Variants in INHBB observed in about 807,000 individuals in gnomAD.
The protein encoded by INHBB is inhibin beta B chain.
A neutral mutation model predicts 28.9 loss-of-function variants in INHBB; 8 were observed. The observed-to-expected ratio is 0.28, with a 90% CI of 0.16 to 0.50. The LOEUF (loss-of-function observed/expected upper bound fraction) is 0.50. Ranked by LOEUF, INHBB falls within the 20% of genes least tolerant of loss-of-function variation. INHBB has a pLI of 0.98. For synonymous variants in INHBB, 293 were observed against 262.7 expected (o/e 1.12, Z -1.12); for missense variants, 499 against 597.8 (o/e 0.83, Z 1.72).
In INHBB at chr2:120,346,207, C is replaced by A; in HGVS notation, c.19C>A (p.Arg7=). The A allele has an allele frequency of 3.3e-6, 4 of 1,202,320 alleles. No individual in the cohort carries two copies. In the South Asian group the frequency reaches 1.7e-4, roughly 50 times the overall value. The allele number at this position is 1,202,320 out of a possible 1,614,324, so 74.5% of individuals were successfully genotyped here. The part of the protein sequence containing the change: MDGLPG[R]ALGAACLLLL... Reference sequence around the variant, plus strand: ...GCGCACCATGGACGGGCTGCCCGGTCGGGCGCTGGGGGCCGCCTGCCTTCT... The same window carrying A: ...GCGCACCATGGACGGGCTGCCCGGTAGGGCGCTGGGGGCCGCCTGCCTTCT... Residue 7 remains arginine, a synonymous_variant, in exon 1 of 2, where the codon CGG becomes AGG. Transcript: ENST00000295228.
Position 120,350,101 on chromosome 2 carries a change from C to G in INHBB, c.*227C>G. ...CTGACATGAAATACTTTAAAATGCA[C>G]ACGTAGCCACGCACAGCCAGACGCA... is the stretch of plus-strand genomic sequence containing the variant. On this transcript the variant is annotated 3_prime_UTR_variant, in exon 2 of 2. Transcript: ENST00000295228. 1.8e-6 allele frequency: 1 copy of G among 545,294 alleles called. No homozygotes were observed. 33.8% of individuals were successfully genotyped at this position (545,294 alleles called of 1,614,324 possible).
rs1171842886 is a variant in INHBB, at chr2:120,350,660, A to T, written c.*786A>T. 6.6e-6 allele frequency: 1 copy of T among 152,300 alleles called. No individual in the cohort carries two copies. Among genetic ancestry groups the T allele is most frequent in the African/African-American group, 2.4e-5 (1 of 41,452 alleles). 9.4% of individuals were successfully genotyped at this position (152,300 alleles called of 1,614,324 possible). On this transcript the variant is annotated 3_prime_UTR_variant, in exon 2 of 2. Coordinates refer to ENST00000295228, the MANE Select transcript of INHBB (RefSeq NM_002193.4). ...AGAGGGGGCTAAATTTGATGCTTTA[A>T]CTGATCTCCAACAGTTGACAGGTCA...
rs1691210108 is a variant in INHBB at position 120,349,047 on chromosome 2, T to G, written c.449-52T>G. The stretch of plus-strand genomic sequence containing the variant: ...GCAGCAGAGAGTGTGTTTCCCCCAT[T>G]GCCTTGTGTTCTCCTTGAATTAACT... On this transcript the variant is annotated intron_variant, in intron 1 of 1. Coordinates refer to ENST00000295228, the MANE Select transcript of INHBB (RefSeq NM_002193.4). This position sits in a 1 kb window ranked among gnomAD's most constrained non-coding sequence, Gnocchi z 5.6. 6.5e-7 allele frequency: 1 copy of G among 1,538,726 alleles called. No homozygotes were observed. The highest frequency in any genetic ancestry group is 1.4e-5 in the African/African-American group (1 of 72,928).
chr2:120,348,896 G>C (rs1238841150), intron 1 of INHBB, among the ~76,000 whole-genome samples: 2 of 152,034 alleles, frequency 1.3e-5, no homozygotes, highest in African/African-American at 4.8e-5. Flanking sequence ...GCCTGGTCCG[G>C]GTTTCTCAAT....
Position 120,350,595 on chromosome 2 carries a change from A to G in INHBB, c.*721A>G, listed in dbSNP as rs927689591. 20 of 134,846 alleles carry G rather than the reference A, an allele frequency of 1.5e-4. No individual in the cohort carries two copies. The highest frequency in any genetic ancestry group is 4.9e-4 in the African/African-American group (18 of 36,496). 8.4% of individuals were successfully genotyped at this position (134,846 alleles called of 1,614,324 possible). ...GTGGCTTGGGCCTCTGACATGACTT[A>G]TGTGTGTGTGTGTTTTTGGGGTGGG... On this transcript the variant is annotated 3_prime_UTR_variant, in exon 2 of 2. Coordinates refer to ENST00000295228, the MANE Select transcript of INHBB (RefSeq NM_002193.4).
chr2:120,349,409 C>T lies in INHBB; in HGVS notation c.759C>T (p.Asp253=). The change falls in exon 2 of 2, where the codon GAC becomes GAT. Residue 253 remains aspartate (D), a synonymous_variant. Coordinates refer to ENST00000295228, the MANE Select transcript of INHBB (RefSeq NM_002193.4). This position sits in a 1 kb window ranked among gnomAD's most constrained non-coding sequence, Gnocchi z 5.6. ...GACTCAACCTAGACGTGCAGTGTGA[C>T]AGCTGCCAGGAGCTGGCCGTGGTGC... The part of the protein sequence containing the change: ...ERRLNLDVQC[D]SCQELAVVPV... 1 of 1,613,860 alleles carries T rather than the reference C, an allele frequency of 6.2e-7. No homozygotes were observed.
rs1164029745 is a variant in INHBB at position 120,346,426 on chromosome 2, C to G, written c.238C>G (p.Arg80Gly). 6.5e-7 allele frequency: 1 copy of G among 1,549,528 alleles called. No homozygotes were observed. Among genetic ancestry groups the G allele is most frequent in the Non-Finnish European group, 8.7e-7 (1 of 1,155,782 alleles). The change falls in exon 1 of 2, where the codon CGG (arginine) becomes GGG (glycine). Residue 80 changes from arginine to glycine, a missense_variant. By Grantham distance (125) the Arg-to-Gly change is moderately radical. Around this residue, in one of 2 missense-constraint regions of INHBB, gnomAD observed 385 missense variants for 415.2 expected, o/e 0.93. Transcript: ENST00000295228. ...VDGDFLEAVK[R>G]HILSRLQMRG... ...CGGCGACTTCCTGGAGGCGGTGAAG[C>G]GGCACATCTTGAGCCGCCTGCAGAT...
chr2:120,346,572 C>A lies in INHBB; in HGVS notation c.384C>A (p.Gly128=). ...GCGTGGAGATCCCGCACCTCGACGG[C>A]CACGCCAGCCCGGGCGCCGACGGCC... ...DGRVEIPHLD[G]HASPGADGQE... The change falls in exon 1 of 2, where the codon GGC becomes GGA. Residue 128 remains glycine (G), a synonymous_variant. Coordinates refer to ENST00000295228, the MANE Select transcript of INHBB (RefSeq NM_002193.4). 1 of 1,469,876 alleles carries A rather than the reference C, an allele frequency of 6.8e-7. No homozygotes were observed. The highest frequency in any genetic ancestry group is 8.9e-7 in the Non-Finnish European group (1 of 1,118,766). The allele number at this position is 1,469,876 out of a possible 1,614,324, so 91.1% of individuals were successfully genotyped here.
chr2:120,347,155 C>T (rs1016009674), intron 1 of INHBB, among the ~76,000 whole-genome samples: 3 of 152,154 alleles, frequency 2.0e-5, no homozygotes, highest in African/African-American at 7.2e-5. Context: ...TCACCGGCGG[C>T]GTGGGCTTGC....
Position 120,349,041 on chromosome 2 carries a change from C to A in INHBB, c.449-58C>A. 6.5e-7 allele frequency: 1 copy of A among 1,529,250 alleles called. No homozygotes were observed. Among genetic ancestry groups the A allele is most frequent in the Non-Finnish European group, 8.8e-7 (1 of 1,132,644 alleles). 94.7% of individuals were successfully genotyped at this position (1,529,250 alleles called of 1,614,324 possible). On this transcript the variant is annotated intron_variant, in intron 1 of 1. Transcript: ENST00000295228. The surrounding 1 kb of genome is among the most constrained non-coding windows in gnomAD (Gnocchi z 5.6). ...CATCCTGCAGCAGAGAGTGTGTTTC[C>A]CCCATTGCCTTGTGTTCTCCTTGAA...
intron 1 of INHBB, among the ~76,000 whole-genome samples, chr2:120,348,309 C>A (rs1691197377): frequency 6.6e-6 from 1 of 150,588 alleles, no homozygotes; most frequent in South Asian, 2.1e-4. Flanking sequence ...GGGGAGTCAT[C>A]TCTTGATTGG....
At chr2:120,346,707 G>A (rs571431019) in intron 1 of INHBB, 71 bp downstream of exon 1, 13 of 1,330,792 alleles carry the variant, frequency 9.8e-6, no homozygotes, top group South Asian at 3.6e-5. Flanking sequence ...TGCTAGCTCC[G>A]GCTGCCACCG....
rs61737549 is a variant in INHBB at position 120,349,109 on chromosome 2, C to T, written c.459C>T (p.Ala153=). The change falls in exon 2 of 2, where the codon GCC becomes GCT. Residue 153 remains alanine, a synonymous_variant. Coordinates refer to ENST00000295228, the MANE Select transcript of INHBB (RefSeq NM_002193.4). This position sits in a 1 kb window ranked among gnomAD's most constrained non-coding sequence, Gnocchi z 5.6. ...IISFAETDGL[A]SSRVRLYFFI... ...TCCCCTTTTCCGCAGATGGCCTCGC[C>T]TCCTCCCGGGTCCGCCTATACTTCT... is the stretch of plus-strand genomic sequence containing the variant. 1.6e-4 allele frequency: 249 copies of T among 1,600,910 alleles called. No individual in the cohort carries two copies. Among genetic ancestry groups the T allele is most frequent in the Non-Finnish European group, 2.0e-4 (239 of 1,171,268 alleles).
Position 120,349,300 on chromosome 2 carries a change from A to G in INHBB, c.650A>G (p.Lys217Arg). The G allele has an allele frequency of 1.2e-6, 2 of 1,614,198 alleles. No homozygotes were observed. The highest frequency in any genetic ancestry group is 1.7e-6 in the Non-Finnish European group (2 of 1,180,046). ...GHGDRWNMVE[K>R]RVDLKRSGWH... ...GGTGACAGGTGGAACATGGTGGAGAAGAGGGTGGACCTCAAGCGCAGCGGC... is the reference window on the plus strand; with the variant it reads ...GGTGACAGGTGGAACATGGTGGAGAGGAGGGTGGACCTCAAGCGCAGCGGC... Residue 217 changes from lysine to arginine, a missense_variant, in exon 2 of 2, where the codon AAG becomes AGG. Physicochemically the swap from Lys to Arg is conservative, Grantham distance 26. Around this residue, in one of 2 missense-constraint regions of INHBB, gnomAD observed 385 missense variants for 415.2 expected, o/e 0.93. Transcript: ENST00000295228. The surrounding 1 kb of genome is among the most constrained non-coding windows in gnomAD (Gnocchi z 5.6).
In INHBB at chr2:120,349,322, C is replaced by T. The variant is rs777437637; in HGVS notation, c.672C>T (p.Ser224=). ...MVEKRVDLKR[S]GWHTFPLTEA... ...AGAAGAGGGTGGACCTCAAGCGCAG[C>T]GGCTGGCATACCTTCCCACTCACGG... Residue 224 remains serine (S), a synonymous_variant, in exon 2 of 2, where the codon AGC becomes AGT. Coordinates refer to ENST00000295228, the MANE Select transcript of INHBB (RefSeq NM_002193.4). The surrounding 1 kb of genome is among the most constrained non-coding windows in gnomAD (Gnocchi z 5.6). 11 of 1,613,964 alleles carry T rather than the reference C, an allele frequency of 6.8e-6. No individual in the cohort carries two copies. The highest frequency in any genetic ancestry group is 1.3e-5 in the African/African-American group (1 of 74,944).
intron 1 of INHBB, among the ~76,000 whole-genome samples, chr2:120,348,850 A>G (rs1039839089): frequency 1.3e-5 from 2 of 151,952 alleles, no homozygotes; most frequent in Non-Finnish European, 2.9e-5. Flanking sequence ...GGGAGAGGTG[A>G]GGCAGGATTT....
chr2:120,348,655 C>CAA (rs1362571844), intron 1 of INHBB, among the ~76,000 whole-genome samples: 1 of 65,378 alleles, frequency 1.5e-5, no homozygotes, highest in Non-Finnish European at 3.1e-5. Flanking sequence ...GCTAAGTTAA[C>CAA]CAAAAAAAAA....
In INHBB at chr2:120,349,937, C is replaced by T. The variant is rs1691231278; in HGVS notation, c.*63C>T. ...GCAGTCCCGGGTGGGCTTCTTCCAG[C>T]CCCCGCGGGAACGGGGGTACACGGT... On this transcript the variant is annotated 3_prime_UTR_variant, in exon 2 of 2. Coordinates refer to ENST00000295228, the MANE Select transcript of INHBB (RefSeq NM_002193.4). The surrounding 1 kb of genome is among the most constrained non-coding windows in gnomAD (Gnocchi z 5.6). 7 of 1,522,258 alleles carry T rather than the reference C, an allele frequency of 4.6e-6. No homozygotes were observed. Among genetic ancestry groups the T allele is most frequent in the Admixed American group, 1.8e-5 (1 of 55,114 alleles). 94.3% of individuals were successfully genotyped at this position (1,522,258 alleles called of 1,614,324 possible). A position where few individuals can be genotyped will look rare whatever the true frequency, so the allele number is the denominator to read the frequency against.
chr2:120,346,916 G>A (rs536841214), intron 1 of INHBB, among the ~76,000 whole-genome samples: 1 of 152,326 alleles, frequency 6.6e-6, no homozygotes, highest in South Asian at 2.1e-4. Flanking sequence ...GCCTCTGGGC[G>A]CGCGTCCCCC....
Sources: gnomAD v4.1 joint callset for allele counts (sites outside exome capture counted in the v4.1 genomes callset) on GRCh38, gnomAD v4.1.1 for gene constraint, gnomAD v4.1.1 regional missense constraint, Gnocchi (gnomAD v3.1) non-coding constraint, MANE v1.5 for transcripts, NCBI Gene and HGNC (gene_info 2026-07-23, HGNC 2026-07-21) for gene names.